ULK4: variants seen among roughly 807,000 people sequenced by gnomAD.
ULK4 encodes the protein unc-51 like kinase 4.
Under a neutral mutation model 160.6 loss-of-function variants are expected in ULK4, and 133 were observed. The ratio of observed to expected loss-of-function variants is 0.83; its 90% confidence interval spans 0.72 to 0.96. The LOEUF (loss-of-function observed/expected upper bound fraction) is 0.96, where lower values mean the gene tolerates loss of function less well. Among genes scored for constraint, ULK4 ranks in the 40% least tolerant of loss-of-function variants. ULK4 has a pLI of 0.00. For synonymous variants in ULK4, 534 were observed against 539.8 expected, an observed-to-expected ratio of 0.99 and a Z score of 0.15; for missense variants, 1,580 against 1,499.5, an observed-to-expected ratio of 1.05 and a Z score of -0.89.
At chr3:41,816,156 CATTAAA>C (rs1203641422) in intron 19 of ULK4, among the ~76,000 whole-genome samples, 1 of 151,802 alleles carries the variant, frequency 6.6e-6, no homozygotes, top group East Asian at 1.9e-4. Context: ...AAAGTGGCTA[CATTAAA>C]ATTAAGAACT....
chr3:41,957,956 A>C (rs1274382841), intron 1 of ULK4, among the ~76,000 whole-genome samples: 1 of 151,438 alleles, frequency 6.6e-6, no homozygotes, highest in Non-Finnish European at 1.5e-5. Flanking sequence ...AGGCAGGAGG[A>C]TAGCTTGAAC....
intron 27 of ULK4, among the ~76,000 whole-genome samples, chr3:41,693,508 G>C (rs2036380270): frequency 6.6e-6 from 1 of 152,072 alleles, no homozygotes; most frequent in Non-Finnish European, 1.5e-5. Flanking sequence ...AACTGATATG[G>C]AGTAATTTCT....
chr3:41,771,916 G>C (rs1157515423), intron 21 of ULK4, among the ~76,000 whole-genome samples: 1 of 152,026 alleles, frequency 6.6e-6, no homozygotes, highest in Admixed American at 6.6e-5. Flanking sequence ...TCCTTTTTAA[G>C]AAACAATGAA....
chr3:41,874,881 A>T (rs1456597161), intron 17 of ULK4, among the ~76,000 whole-genome samples: 1 of 152,246 alleles, frequency 6.6e-6, no homozygotes, highest in East Asian at 1.9e-4. Context: ...AAAACATATT[A>T]ATTAATTAGC....
At chr3:41,761,291 A>G (rs1393459278) in intron 21 of ULK4, among the ~76,000 whole-genome samples, 1 of 146,784 alleles carries the variant, frequency 6.8e-6, no homozygotes, top group African/African-American at 2.6e-5. Flanking sequence ...TATAGTATAT[A>G]TAATATACAC....
At chr3:41,394,293 A>G (rs557374780) in intron 35 of ULK4, among the ~76,000 whole-genome samples, 16 of 152,284 alleles carry the variant, frequency 1.1e-4, no homozygotes, top group African/African-American at 3.6e-4. Context: ...GGACTAAATC[A>G]GTCCAGAAGC....
Position 41,752,328 on chromosome 3 carries a change from G to A in ULK4, c.2321+2033C>T, listed in dbSNP as rs369502747. The stretch of plus-strand genomic sequence containing the variant: ...CAAATCAGAGGTAGCAAAGCCAGCA[G>A]TGAGGCCATTAAAAATAAATAGACA... On this transcript the variant is annotated intron_variant, in intron 22 of 36. Transcript: ENST00000301831. Among the ~76,000 whole-genome samples the A allele has an allele frequency of 4.6e-5, 7 of 152,304 alleles. No homozygotes were observed. The South Asian group carries it at 1.2e-3, about 27-fold the overall frequency.
intron 13 of ULK4, among the ~76,000 whole-genome samples, chr3:41,899,874 G>A (rs1362161091): frequency 6.6e-6 from 1 of 152,122 alleles, no homozygotes; most frequent in Admixed American, 6.5e-5. Flanking sequence ...TATATGAAAT[G>A]CTGTCTATCT....
intron 17 of ULK4, among the ~76,000 whole-genome samples, chr3:41,837,860 C>T (rs749257210): frequency 6.6e-6 from 1 of 152,212 alleles, no homozygotes; most frequent in Non-Finnish European, 1.5e-5. Context: ...TGTGTCCAGC[C>T]AGTTCATTCC....
chr3:41,268,813 CAAAAAA>C (rs1176923529), intron 35 of ULK4, among the ~76,000 whole-genome samples: 92 of 29,094 alleles, frequency 3.2e-3, no homozygotes, highest in Non-Finnish European at 5.7e-3. Flanking sequence ...CACACACACA[CAAAAAA>C]AAAAAAAAAA....
At chr3:41,790,759 G>C (rs760173691) in intron 20 of ULK4, among the ~76,000 whole-genome samples, 3 of 152,154 alleles carry the variant, frequency 2.0e-5, no homozygotes, top group African/African-American at 4.8e-5. Flanking sequence ...AGAAAAGCAA[G>C]CTGGAGCCAG....
At chr3:41,448,181 T>A (rs543899466) in intron 34 of ULK4, among the ~76,000 whole-genome samples, 31 of 152,246 alleles carry the variant, frequency 2.0e-4, no homozygotes, top group African/African-American at 7.5e-4. Context: ...GACAGAGACA[T>A]AAACAAGTGT....
intron 19 of ULK4, among the ~76,000 whole-genome samples, chr3:41,811,346 TTTTAA>T (rs1401590268): frequency 6.6e-6 from 1 of 152,078 alleles, no homozygotes; most frequent in African/African-American, 2.4e-5. Flanking sequence ...CAGCTAATAT[TTTTAA>T]TTTTTTAGAG....
At chr3:41,858,037 T>C (rs1183531374) in intron 17 of ULK4, among the ~76,000 whole-genome samples, 1 of 152,014 alleles carries the variant, frequency 6.6e-6, no homozygotes, top group Admixed American at 6.6e-5. Context: ...TTAAGATGCA[T>C]TGTTAGATTG....
At chr3:41,389,407 T>C (rs2081901585) in intron 35 of ULK4, among the ~76,000 whole-genome samples, 1 of 152,184 alleles carries the variant, frequency 6.6e-6, no homozygotes, top group South Asian at 2.1e-4. Flanking sequence ...TCCAACACTA[T>C]GTTGAATAGG....
At chr3:41,859,920 G>A (rs1431949882) in intron 17 of ULK4, among the ~76,000 whole-genome samples, 11 of 149,160 alleles carry the variant, frequency 7.4e-5, no homozygotes, top group East Asian at 4.0e-4. Context: ...CACCCACCTC[G>A]GCATCCCAAA....
intron 20 of ULK4, among the ~76,000 whole-genome samples, chr3:41,792,870 A>G (rs1040773350): frequency 1.3e-5 from 2 of 152,200 alleles, no homozygotes; most frequent in African/African-American, 2.4e-5. Context: ...GTTTTTAAAC[A>G]TTTACTTATT....
chr3:41,797,761 T>C (rs1033759670), intron 20 of ULK4, among the ~76,000 whole-genome samples: 1 of 151,988 alleles, frequency 6.6e-6, no homozygotes, highest in Non-Finnish European at 1.5e-5. Flanking sequence ...CTCAGGAGGC[T>C]GAGGCACAAG....
intron 19 of ULK4, among the ~76,000 whole-genome samples, chr3:41,818,327 T>C (rs1422386564): frequency 1.3e-5 from 2 of 152,150 alleles, no homozygotes; most frequent in Non-Finnish European, 2.9e-5. Context: ...AGTTCCTATA[T>C]TTTGTTCTTT....
Sources: gnomAD v4.1 joint callset for allele counts (sites outside exome capture counted in the v4.1 genomes callset) on GRCh38, gnomAD v4.1.1 for gene constraint, MANE v1.5 for transcripts, NCBI Gene and HGNC (gene_info 2026-07-23, HGNC 2026-07-21) for gene names.